ASAP1: variants seen among roughly 807,000 people sequenced by gnomAD.
ASAP1 encodes ArfGAP with SH3 domain, ankyrin repeat and PH domain 1, also known as arf-GAP with SH3 domain, ANK repeat and PH domain-containing protein 1.
A neutral mutation model predicts 145.2 loss-of-function variants in ASAP1; 43 were observed. The observed-to-expected ratio is 0.30, with a 90% CI of 0.23 to 0.38. The LOEUF is 0.38. Ranked by LOEUF, ASAP1 falls within the 10% of genes least tolerant of loss-of-function variation. The probability of loss-of-function intolerance (pLI) is 1.00; values close to 1 mark genes in which losing one functional copy is unlikely to be tolerated. For synonymous variants in ASAP1, 546 were observed against 515.5 expected (o/e 1.06, Z -0.80); for missense variants, 1,018 against 1,355.3 (o/e 0.75, Z 3.91).
At chr8:130,320,261 A>T (rs1427019649) in intron 3 of ASAP1, among the ~76,000 whole-genome samples, 1 of 152,224 alleles carries the variant, frequency 6.6e-6, no homozygotes, top group Non-Finnish European at 1.5e-5. Flanking sequence ...TTAAGATCAT[A>T]AGAAATACAG....
intron 12 of ASAP1, among the ~76,000 whole-genome samples, chr8:130,157,971 G>T (rs1429938896): frequency 2.6e-5 from 4 of 151,958 alleles, no homozygotes; most frequent in Non-Finnish European, 5.9e-5. Context: ...ATTTTCTTTT[G>T]TTCAATGCTG....
intron 13 of ASAP1, among the ~76,000 whole-genome samples, chr8:130,142,669 G>A (rs2135874035): frequency 6.6e-6 from 1 of 152,332 alleles, no homozygotes; most frequent in South Asian, 2.1e-4. Flanking sequence ...AGAGGACTTG[G>A]AGGAGGGAAT....
chr8:130,075,632 G>C (rs750792917), intron 27 of ASAP1, among the ~76,000 whole-genome samples: 2 of 152,152 alleles, frequency 1.3e-5, no homozygotes, highest in Admixed American at 6.5e-5. Context: ...CAGCTTTAAA[G>C]GTAAGGTATG....
intron 27 of ASAP1, among the ~76,000 whole-genome samples, chr8:130,066,451 T>A (rs190468322): frequency 2.6e-5 from 4 of 152,268 alleles, no homozygotes; most frequent in African/African-American, 9.6e-5. Flanking sequence ...GCTCAAGTGA[T>A]CCTCCCGCTT....
intron 3 of ASAP1, among the ~76,000 whole-genome samples, chr8:130,287,521 G>A (rs917139634): frequency 1.3e-5 from 2 of 152,100 alleles, no homozygotes; most frequent in African/African-American, 4.8e-5. Flanking sequence ...GGCCTAGTTA[G>A]GCTAAATTTC....
intron 24 of ASAP1, among the ~76,000 whole-genome samples, chr8:130,108,757 G>GT (rs10568607): frequency 0.012 from 614 of 51,546 alleles, 89 homozygotes; most frequent in African/African-American, 0.019. Context: ...TCAAAAACCA[G>GT]TTTTTTTTTT....
intron 9 of ASAP1, 90 bp from the exon 10 acceptor site, chr8:130,169,157 T>A: frequency 1.3e-6 from 1 of 751,812 alleles, no homozygotes; most frequent in Non-Finnish European, 2.2e-6. Context: ...GGAACTATAA[T>A]AACCTACAAA....
At chr8:130,266,748 G>A (rs1820269003) in intron 3 of ASAP1, among the ~76,000 whole-genome samples, 1 of 151,880 alleles carries the variant, frequency 6.6e-6, no homozygotes, top group Non-Finnish European at 1.5e-5. Flanking sequence ...GACCTAAATA[G>A]TAAAATAAAA....
chr8:130,314,354 T>A (rs538040535), intron 3 of ASAP1, among the ~76,000 whole-genome samples: 1 of 152,338 alleles, frequency 6.6e-6, no homozygotes, highest in South Asian at 2.1e-4. Context: ...TTGCTAGGCA[T>A]GGCACTGAGC....
intron 27 of ASAP1, among the ~76,000 whole-genome samples, chr8:130,072,830 C>CGCGCGGG (rs1448184178): frequency 3.1e-5 from 1 of 31,920 alleles, no homozygotes; most frequent in Non-Finnish European, 5.3e-5. Flanking sequence ...TGTGTGCGCG[C>CGCGCGGG]GGGGGGGGGC....
chr8:130,286,651 C>T (rs1395013761), intron 3 of ASAP1, among the ~76,000 whole-genome samples: 1 of 152,108 alleles, frequency 6.6e-6, no homozygotes, highest in African/African-American at 2.4e-5. Flanking sequence ...GTGCCTGGTG[C>T]ACAGGAAGTA....
chr8:130,176,688 G>GTTTTTTTTTTTTTTTTTTTTTT (rs11324057), intron 9 of ASAP1, among the ~76,000 whole-genome samples: 1 of 143,394 alleles, frequency 7.0e-6, no homozygotes. Flanking sequence ...CTCTCTTCCT[G>GTTTTTTTTTTTTTTTTTTTTTT]TTTTTTTTTT....
chr8:130,243,193 T>A (rs1290364270), intron 3 of ASAP1, among the ~76,000 whole-genome samples: 1 of 152,144 alleles, frequency 6.6e-6, no homozygotes, highest in Non-Finnish European at 1.5e-5. Flanking sequence ...AGGCTTCTGA[T>A]AAGATTGATA....
At chr8:130,131,577 A>AACAACAGC (rs1179406895) in intron 15 of ASAP1, among the ~76,000 whole-genome samples, 1 of 144,826 alleles carries the variant, frequency 6.9e-6, no homozygotes, top group East Asian at 2.2e-4. Flanking sequence ...CAGCCTGGGT[A>AACAACAGC]ACAACAGCAA....
intron 2 of ASAP1, among the ~76,000 whole-genome samples, chr8:130,365,130 G>T (rs1421652982): frequency 6.6e-6 from 1 of 152,106 alleles, no homozygotes; most frequent in African/African-American, 2.4e-5. Context: ...GATTCCTGGA[G>T]CCCCAGGCTT....
rs569527488 is a variant in ASAP1, at chr8:130,057,542, G to A, written c.3315+412C>T. 1.7e-3 allele frequency among the ~76,000 whole-genome samples: 265 copies of A among 152,064 alleles called. 1 individual carries two copies. Among genetic ancestry groups the A allele is most frequent in the African/African-American group, 6.1e-3 (254 of 41,482 alleles). Reference sequence around the variant, plus strand: ...CATCTCACTGCAACCTGTGCCTCCCGGGTTCAAGCGATTCTCCTGCCTTGG... The same window carrying A: ...CATCTCACTGCAACCTGTGCCTCCCAGGTTCAAGCGATTCTCCTGCCTTGG... On this transcript the variant is annotated intron_variant, in intron 29 of 29. Coordinates refer to ENST00000518721, the MANE Select transcript of ASAP1 (RefSeq NM_018482.4).
intron 3 of ASAP1, among the ~76,000 whole-genome samples, chr8:130,265,693 G>T (rs947296334): frequency 2.0e-5 from 3 of 152,066 alleles, no homozygotes; most frequent in African/African-American, 7.2e-5. Context: ...ACCAGCTTGG[G>T]CATCATGGCA....
intron 27 of ASAP1, among the ~76,000 whole-genome samples, chr8:130,063,484 G>GGGAA (rs2097423600): frequency 6.6e-6 from 1 of 152,206 alleles, no homozygotes; most frequent in South Asian, 2.1e-4. Flanking sequence ...GACCCTTGAG[G>GGGAA]GGAAGAGGCA....
At chr8:130,142,352 C>G (rs1285276407) in intron 13 of ASAP1, among the ~76,000 whole-genome samples, 1 of 152,164 alleles carries the variant, frequency 6.6e-6, no homozygotes, top group Non-Finnish European at 1.5e-5. Context: ...GCAAAAGCTC[C>G]AAAGATTAAT....
Sources: allele counts gnomAD v4.1 joint callset (sites outside exome capture counted in the v4.1 genomes callset), GRCh38; gene constraint gnomAD v4.1.1; transcripts MANE v1.5; gene names NCBI Gene and HGNC (gene_info 2026-07-23, HGNC 2026-07-21).